Variants in SPRED2 observed in about 807,000 individuals in gnomAD.
The protein encoded by SPRED2 is sprouty related EVH1 domain containing 2, also known as sprouty-related, EVH1 domain-containing protein 2.
A neutral mutation model predicts 43.0 loss-of-function variants in SPRED2; 47 were observed. That is an observed-to-expected ratio of 1.09 (90% CI 0.87 to 1.40). The LOEUF (loss-of-function observed/expected upper bound fraction) is 1.40. SPRED2 is among the 40% of genes most tolerant of loss of function. SPRED2 has a pLI of 0.00. For synonymous variants in SPRED2, 225 were observed against 225.7 expected, an observed-to-expected ratio of 1.00 and a Z score of 0.03; for missense variants, 561 against 586.4, an observed-to-expected ratio of 0.96 and a Z score of 0.45.
intron 1 of SPRED2, among the ~76,000 whole-genome samples, chr2:65,399,005 G>A (rs563682584): frequency 5.4e-4 from 83 of 152,312 alleles, no homozygotes; most frequent in African/African-American, 1.9e-3. Flanking sequence ...ATAGCTGGGC[G>A]CGGTGGCTCA....
intron 1 of SPRED2, among the ~76,000 whole-genome samples, chr2:65,383,233 G>C (rs1675417746): frequency 6.6e-6 from 1 of 152,192 alleles, no homozygotes; most frequent in Non-Finnish European, 1.5e-5. Context: ...TGTCTATCAG[G>C]TCTGAACTCG....
intron 4 of SPRED2, among the ~76,000 whole-genome samples, chr2:65,328,728 G>A (rs1673720029): frequency 6.6e-6 from 1 of 152,188 alleles, no homozygotes. Flanking sequence ...TAGAATGGAG[G>A]CCTCTCTTCA....
At chr2:65,337,730 G>A (rs1674008067) in intron 2 of SPRED2, among the ~76,000 whole-genome samples, 1 of 149,062 alleles carries the variant, frequency 6.7e-6, no homozygotes, top group South Asian at 2.1e-4. Context: ...CATCTGTATG[G>A]ATGTATTAGA....
intron 4 of SPRED2, among the ~76,000 whole-genome samples, chr2:65,331,162 TC>T (rs1422478138): frequency 1.3e-5 from 2 of 152,126 alleles, no homozygotes; most frequent in African/African-American, 4.8e-5. Flanking sequence ...AAACCTATAA[TC>T]CCAGCACTTT....
chr2:65,322,290 ATATATT>A lies in SPRED2; in HGVS notation c.439-5413_439-5408del, dbSNP rs1186240742. On this transcript the variant is annotated intron_variant, in intron 4 of 5. Transcript: ENST00000356388. ...TCTCTCTATATATATATATATATATATATATTTTTTTTTTTTTTTTTGAGACGGAGT... is the reference window on the plus strand; with the variant it reads ...TCTCTCTATATATATATATATATATATTTTTTTTTTTTTTTGAGACGGAGT... Among the ~76,000 whole-genome samples, 235 of 78,930 alleles carry A rather than the reference ATATATT, an allele frequency of 3.0e-3. 5 individuals are homozygous for A. Among genetic ancestry groups the A allele is most frequent in the African/African-American group, 0.012 (196 of 16,360 alleles). The allele number at this position is 78,930 out of a possible 152,430, so 51.8% of individuals were successfully genotyped here.
chr2:65,426,276 T>G (rs962952751), intron 1 of SPRED2, among the ~76,000 whole-genome samples: 3 of 152,226 alleles, frequency 2.0e-5, no homozygotes, highest in Non-Finnish European at 2.9e-5. Flanking sequence ...GTGAACATGG[T>G]TGAGTTTCTC....
chr2:65,350,802 C>T (rs1438888564), intron 1 of SPRED2, among the ~76,000 whole-genome samples: 1 of 152,222 alleles, frequency 6.6e-6, no homozygotes. Flanking sequence ...GTCTGGGCCA[C>T]GTTACAGACA....
Position 65,313,016 on chromosome 2 carries a change from A to C in SPRED2, c.*485T>G. Reference sequence around the variant, plus strand: ...TTCTGTCGGGTTTCATCATTCTCACATCCCATTTCCGCTGAACCAGATGCT... The same window carrying C: ...TTCTGTCGGGTTTCATCATTCTCACCTCCCATTTCCGCTGAACCAGATGCT... On this transcript the variant is annotated 3_prime_UTR_variant, in exon 6 of 6. Transcript: ENST00000356388. 1 of 986,346 alleles carries C rather than the reference A, an allele frequency of 1.0e-6. No individual in the cohort carries two copies. Among genetic ancestry groups the C allele is most frequent in the Non-Finnish European group, 1.2e-6 (1 of 830,582 alleles). 61.1% of individuals were successfully genotyped at this position (986,346 alleles called of 1,614,324 possible). A position where few individuals can be genotyped will look rare whatever the true frequency, so the allele number is the denominator to read the frequency against.
chr2:65,333,259 C>CAAAAAA (rs200576180), intron 3 of SPRED2, among the ~76,000 whole-genome samples: 9 of 93,580 alleles, frequency 9.6e-5, no homozygotes, highest in Admixed American at 9.9e-5. Flanking sequence ...GACTCCATCT[C>CAAAAAA]AAAAAAAAAA....
At chr2:65,319,917 T>G (rs1410452781) in intron 4 of SPRED2, among the ~76,000 whole-genome samples, 1 of 152,166 alleles carries the variant, frequency 6.6e-6, no homozygotes, top group Non-Finnish European at 1.5e-5. Context: ...AGATTTCTAA[T>G]AGGCCCCACA....
At chr2:65,375,154 C>T (rs776500117) in intron 1 of SPRED2, among the ~76,000 whole-genome samples, 1 of 152,240 alleles carries the variant, frequency 6.6e-6, no homozygotes, top group African/African-American at 2.4e-5. Flanking sequence ...CCCCTGCCCA[C>T]GTGCCTTGCC....
intron 1 of SPRED2, among the ~76,000 whole-genome samples, chr2:65,400,079 T>C (rs955408744): frequency 6.6e-6 from 1 of 152,236 alleles, no homozygotes; most frequent in African/African-American, 2.4e-5. Context: ...AAGTTACTGA[T>C]ACTCAATCCT....
At chr2:65,390,159 G>A (rs1675596922) in intron 1 of SPRED2, among the ~76,000 whole-genome samples, 1 of 152,152 alleles carries the variant, frequency 6.6e-6, no homozygotes, top group Non-Finnish European at 1.5e-5. Flanking sequence ...TTTCTGAGAG[G>A]AAGGTGACTG....
At chr2:65,350,795 T>C (rs926317532) in intron 1 of SPRED2, among the ~76,000 whole-genome samples, 5 of 152,226 alleles carry the variant, frequency 3.3e-5, no homozygotes, top group African/African-American at 9.6e-5. Context: ...AGGCCCCGTC[T>C]GGGCCACGTT....
At chr2:65,340,699 A>G (rs906725878) in intron 2 of SPRED2, among the ~76,000 whole-genome samples, 13 of 152,332 alleles carry the variant, frequency 8.5e-5, no homozygotes, top group Non-Finnish European at 1.8e-4. Context: ...CACAGAAACA[A>G]TGGTAGTTAA....
chr2:65,416,199 G>A (rs772745437), intron 1 of SPRED2, among the ~76,000 whole-genome samples: 3 of 152,184 alleles, frequency 2.0e-5, no homozygotes, highest in Admixed American at 6.5e-5. Context: ...ATCGGTCTAC[G>A]GATGAGAAAG....
chr2:65,377,550 A>G (rs1393276724), intron 1 of SPRED2: 1 of 471,072 alleles, frequency 2.1e-6, no homozygotes, highest in African/African-American at 2.0e-5. Context: ...ATAGAGGGGG[A>G]ACACTGTGGC....
chr2:65,309,974 C>T (rs985221453), downstream of SPRED2, among the ~76,000 whole-genome samples: 1 of 152,140 alleles, frequency 6.6e-6, no homozygotes, highest in Non-Finnish European at 1.5e-5. Flanking sequence ...CTCCTGGGAC[C>T]GCAGTTTACC....
chr2:65,389,227 C>G (rs1226689466), intron 1 of SPRED2, among the ~76,000 whole-genome samples: 1 of 145,160 alleles, frequency 6.9e-6, no homozygotes, highest in African/African-American at 2.5e-5. Flanking sequence ...GACAGCAATA[C>G]AAAGACATGC....
Sources: gnomAD v4.1 joint callset for allele counts (sites outside exome capture counted in the v4.1 genomes callset) on GRCh38, gnomAD v4.1.1 for gene constraint, MANE v1.5 for transcripts, NCBI Gene and HGNC (gene_info 2026-07-23, HGNC 2026-07-21) for gene names.